The following DLGAP1 variants were observed in gnomAD, a reference collection of about 807,000 sequenced individuals.
DLGAP1 encodes the protein disks large-associated protein 1.
In DLGAP1, 11 loss-of-function variants were observed where a neutral mutation model predicts 90.8. That is an observed-to-expected ratio of 0.12 (90% CI 0.08 to 0.20). The LOEUF (loss-of-function observed/expected upper bound fraction) is 0.20. DLGAP1 is among the 10% of genes least tolerant of loss of function. The pLI is 1.00. For synonymous variants in DLGAP1, 558 were observed against 540.7 expected (o/e 1.03, Z -0.44); for missense variants, 1,050 against 1,333.8 (o/e 0.79, Z 3.31).
chr18:3,857,216 A>G lies in DLGAP1; in HGVS notation c.957+21896T>C, dbSNP rs111798844. Among the ~76,000 whole-genome samples the G allele has an allele frequency of 2.5e-3, 374 of 152,318 alleles. 4 individuals carry two copies. The highest frequency in any genetic ancestry group is 7.9e-3 in the African/African-American group (328 of 41,570). On this transcript the variant is annotated intron_variant, in intron 4 of 12. Coordinates refer to ENST00000315677, the MANE Select transcript of DLGAP1 (RefSeq NM_004746.4). ...AGAATTACTTGCATTACTTTCTTCA[A>G]ATTGAAGGATGTGCATAATATTTGG... is the stretch of plus-strand genomic sequence containing the variant.
chr18:3,800,152 G>A (rs189547426), intron 5 of DLGAP1, among the ~76,000 whole-genome samples: 1 of 152,256 alleles, frequency 6.6e-6, no homozygotes, highest in African/African-American at 2.4e-5. Flanking sequence ...TGGTGGGTGG[G>A]AACATATTTT....
chr18:4,259,529 T>C (rs1344669597), intron 1 of DLGAP1, among the ~76,000 whole-genome samples: 1 of 152,172 alleles, frequency 6.6e-6, no homozygotes, highest in Non-Finnish European at 1.5e-5. Context: ...AGATTACATA[T>C]TCAGCAGTTG....
intron 5 of DLGAP1, among the ~76,000 whole-genome samples, chr18:3,793,618 A>G (rs1057257834): frequency 6.6e-6 from 1 of 152,098 alleles, no homozygotes; most frequent in Non-Finnish European, 1.5e-5. Flanking sequence ...CCCGTGGCCC[A>G]TGCTGTCTGG....
chr18:4,242,739 G>A (rs1439604980), intron 1 of DLGAP1, among the ~76,000 whole-genome samples: 1 of 151,908 alleles, frequency 6.6e-6, no homozygotes, highest in African/African-American at 2.4e-5. Flanking sequence ...GCTAGATCAT[G>A]CATGTAATAC....
chr18:3,724,560 A>G (rs1568018231), intron 7 of DLGAP1, among the ~76,000 whole-genome samples: 1 of 151,900 alleles, frequency 6.6e-6, no homozygotes, highest in Admixed American at 6.6e-5. Context: ...CCTGGCCAAC[A>G]TGGTGAAACC....
At chr18:4,445,426 T>A (rs2083638744) in intron 1 of DLGAP1, among the ~76,000 whole-genome samples, 1 of 149,834 alleles carries the variant, frequency 6.7e-6, no homozygotes, top group Admixed American at 6.7e-5. Context: ...TAGGTATATC[T>A]CCCAATGCTA....
intron 7 of DLGAP1, among the ~76,000 whole-genome samples, chr18:3,656,794 G>T (rs1347773770): frequency 6.6e-6 from 1 of 151,736 alleles, no homozygotes; most frequent in East Asian, 1.9e-4. Flanking sequence ...GTGCAGTGGC[G>T]CAATCTCGGA....
At chr18:4,256,795 G>A in intron 1 of DLGAP1, among the ~76,000 whole-genome samples, 1 of 152,116 alleles carries the variant, frequency 6.6e-6, no homozygotes, top group East Asian at 1.9e-4. Context: ...GTGCTATAAA[G>A]ACGGTTTCAC....
chr18:3,848,124 T>G, intron 4 of DLGAP1, among the ~76,000 whole-genome samples: 1 of 30,614 alleles, frequency 3.3e-5, no homozygotes, highest in African/African-American at 1.5e-4. Context: ...CAAGGCCCCG[T>G]CTCAAAAAAA....
intron 7 of DLGAP1, among the ~76,000 whole-genome samples, chr18:3,633,948 T>C (rs1205925209): frequency 6.6e-6 from 1 of 152,188 alleles, no homozygotes; most frequent in African/African-American, 2.4e-5. Flanking sequence ...TAACTTTATA[T>C]TTACCAATAT....
intron 7 of DLGAP1, among the ~76,000 whole-genome samples, chr18:3,639,915 C>T (rs1417754019): frequency 4.8e-5 from 7 of 147,240 alleles, no homozygotes; most frequent in East Asian, 3.9e-4. Flanking sequence ...CCACCACACC[C>T]GGCTAATTTT....
chr18:4,380,957 G>T (rs543000662), intron 1 of DLGAP1, among the ~76,000 whole-genome samples: 1 of 152,136 alleles, frequency 6.6e-6, no homozygotes, highest in Non-Finnish European at 1.5e-5. Flanking sequence ...ATTACAGTGT[G>T]AGGCACACCC....
chr18:3,847,662 C>T (rs185510817), intron 4 of DLGAP1, among the ~76,000 whole-genome samples: 9 of 152,054 alleles, frequency 5.9e-5, no homozygotes, highest in Admixed American at 2.6e-4. Flanking sequence ...ATGATCCAGA[C>T]GAGAATAAAG....
chr18:3,661,728 C>T (rs1272707878), intron 7 of DLGAP1, among the ~76,000 whole-genome samples: 2 of 151,968 alleles, frequency 1.3e-5, no homozygotes, highest in African/African-American at 4.8e-5. Flanking sequence ...AGGCGCCTGC[C>T]ACCATGCCTG....
intron 2 of DLGAP1, among the ~76,000 whole-genome samples, chr18:4,086,755 G>A (rs115204447): frequency 3.3e-5 from 5 of 151,796 alleles, no homozygotes; most frequent in Non-Finnish European, 7.4e-5. Context: ...CACTTAAAAA[G>A]AATGTATATT....
At chr18:3,807,468 G>A (rs1045350037) in intron 5 of DLGAP1, among the ~76,000 whole-genome samples, 2 of 152,162 alleles carry the variant, frequency 1.3e-5, no homozygotes, top group Admixed American at 6.5e-5. Flanking sequence ...TTTGTCATTT[G>A]TAAAATGGGC....
At chr18:3,808,461 G>T (rs2066672580) in intron 5 of DLGAP1, among the ~76,000 whole-genome samples, 1 of 152,148 alleles carries the variant, frequency 6.6e-6, no homozygotes, top group South Asian at 2.1e-4. Flanking sequence ...TCACAATTTC[G>T]TGTGGCAGGT....
intron 3 of DLGAP1, among the ~76,000 whole-genome samples, chr18:3,901,612 C>T (rs1199006163): frequency 6.6e-6 from 1 of 152,088 alleles, no homozygotes; most frequent in Non-Finnish European, 1.5e-5. Flanking sequence ...TGACACCTGA[C>T]CCACAGTCCC....
intron 7 of DLGAP1, among the ~76,000 whole-genome samples, chr18:3,587,547 G>T (rs934756322): frequency 6.6e-6 from 1 of 152,176 alleles, no homozygotes. Context: ...GGACGTGGGC[G>T]GGGACAAATA....
Sources: gnomAD v4.1 joint callset for allele counts (sites outside exome capture counted in the v4.1 genomes callset) on GRCh38, gnomAD v4.1.1 for gene constraint, MANE v1.5 for transcripts, NCBI Gene and HGNC (gene_info 2026-07-23, HGNC 2026-07-21) for gene names.